AGPS: variants seen among roughly 807,000 people sequenced by gnomAD.
AGPS encodes alkyldihydroxyacetonephosphate synthase, peroxisomal.
A neutral mutation model predicts 90.7 loss-of-function variants in AGPS; 26 were observed. The observed-to-expected ratio is 0.29, with a 90% CI of 0.21 to 0.40. AGPS has a LOEUF of 0.40. AGPS is among the 10% of genes least tolerant of loss of function. AGPS has a pLI of 1.00. For missense variants in AGPS, 540 were observed against 816.1 expected, an observed-to-expected ratio of 0.66 and a Z score of 4.12; for synonymous variants, 294 against 285.3, an observed-to-expected ratio of 1.03 and a Z score of -0.31.
chr2:177,453,805 A>G (rs1392839370), intron 8 of AGPS, among the ~76,000 whole-genome samples: 1 of 138,440 alleles, frequency 7.2e-6, no homozygotes, highest in East Asian at 2.2e-4. Flanking sequence ...CTCCTACCTC[A>G]GCCTCCCAAG....
chr2:177,420,922 A>C (rs1685923586), intron 2 of AGPS, among the ~76,000 whole-genome samples: 1 of 152,004 alleles, frequency 6.6e-6, no homozygotes, highest in South Asian at 2.1e-4. Context: ...AGTGATAGGG[A>C]AAGATCAGTC....
chr2:177,497,527 A>G (rs879865151), intron 12 of AGPS, among the ~76,000 whole-genome samples, 162 bp from the exon 13 acceptor site: 30 of 151,932 alleles, frequency 2.0e-4, no homozygotes, highest in Admixed American at 4.6e-4. Context: ...TAATATAACT[A>G]TATATCGTAA....
At chr2:177,456,171 T>C (rs1322704923) in intron 8 of AGPS, among the ~76,000 whole-genome samples, 3 of 152,146 alleles carry the variant, frequency 2.0e-5, no homozygotes, top group Non-Finnish European at 4.4e-5. Context: ...GGAGACAGAG[T>C]GAGACCCTTT....
intron 19 of AGPS, among the ~76,000 whole-genome samples, chr2:177,530,363 G>T (rs6433676): frequency 0.87 from 132,009 of 152,258 alleles, 57,443 homozygotes; most frequent in East Asian, 0.98. Flanking sequence ...CAGTATAATT[G>T]CATAAAGCAG....
chr2:177,506,693 A>G (rs1298338368), intron 15 of AGPS, among the ~76,000 whole-genome samples: 1 of 151,978 alleles, frequency 6.6e-6, no homozygotes, highest in Non-Finnish European at 1.5e-5. Flanking sequence ...AAGTAAAAGT[A>G]TATTTATTGC....
At chr2:177,416,909 G>T (rs1172074689) in intron 1 of AGPS, among the ~76,000 whole-genome samples, 1 of 152,154 alleles carries the variant, frequency 6.6e-6, no homozygotes, top group Non-Finnish European at 1.5e-5. Context: ...CTGGTTAATT[G>T]ACCTCTGGGG....
At chr2:177,396,013 T>TTGATTA (rs1685162246) in intron 1 of AGPS, among the ~76,000 whole-genome samples, 1 of 146,198 alleles carries the variant, frequency 6.8e-6, no homozygotes, top group Admixed American at 7.1e-5. Flanking sequence ...ACAGTGCAGT[T>TTGATTA]TGATTAGAGC....
intron 16 of AGPS, among the ~76,000 whole-genome samples, 153 bp from the exon 17 acceptor site, chr2:177,513,666 A>G (rs1165160622): frequency 2.6e-5 from 4 of 152,210 alleles, no homozygotes; most frequent in Non-Finnish European, 4.4e-5. Flanking sequence ...AATTTGAGTG[A>G]TCAGGGCTCT....
chr2:177,519,955 G>T (rs1322336850), intron 17 of AGPS, among the ~76,000 whole-genome samples: 1 of 152,188 alleles, frequency 6.6e-6, no homozygotes. Flanking sequence ...ACAAGGAGTG[G>T]ATTATTCATG....
chr2:177,527,730 T>C (rs1328506160), intron 19 of AGPS, among the ~76,000 whole-genome samples: 2 of 152,200 alleles, frequency 1.3e-5, no homozygotes, highest in East Asian at 1.9e-4. Flanking sequence ...CCTTCTTTTA[T>C]TGAAGACTCC....
chr2:177,462,042 G>A, intron 9 of AGPS, 24 bp downstream of exon 9: 2 of 1,551,040 alleles, frequency 1.3e-6, no homozygotes, highest in Non-Finnish European at 8.8e-7. Flanking sequence ...TAGTTATTAT[G>A]TAATAATTGA....
At chr2:177,440,434 AT>A (rs1681393162) in intron 5 of AGPS, among the ~76,000 whole-genome samples, 1 of 152,144 alleles carries the variant, frequency 6.6e-6, no homozygotes, top group African/African-American at 2.4e-5. Context: ...ATGAGGAAAC[AT>A]CTACAAACCC....
chr2:177,403,753 C>T (rs1685391772), intron 1 of AGPS, among the ~76,000 whole-genome samples: 1 of 152,168 alleles, frequency 6.6e-6, no homozygotes, highest in African/African-American at 2.4e-5. Flanking sequence ...CCATTTTTCA[C>T]TCACTGTCTT....
At chr2:177,531,816 A>G (rs1559086745) in intron 19 of AGPS, among the ~76,000 whole-genome samples, 1 of 152,102 alleles carries the variant, frequency 6.6e-6, no homozygotes, top group Non-Finnish European at 1.5e-5. Flanking sequence ...GGAACAGAAT[A>G]GAGAACCCAG....
At chr2:177,504,479 G>C (rs539679479) in intron 14 of AGPS, among the ~76,000 whole-genome samples, 72 of 152,090 alleles carry the variant, frequency 4.7e-4, no homozygotes, top group African/African-American at 1.7e-3. Context: ...TTCTCAAGTA[G>C]TTCTAGACTA....
chr2:177,533,198 A>G (rs1266964356), intron 19 of AGPS, among the ~76,000 whole-genome samples: 1 of 152,040 alleles, frequency 6.6e-6, no homozygotes, highest in Admixed American at 6.6e-5. Flanking sequence ...GTATATGTTG[A>G]TTATAATATT....
chr2:177,482,039 T>C lies in AGPS; in HGVS notation c.1106-20T>C. The C allele has an allele frequency of 1.3e-6, 2 of 1,586,312 alleles. No individual in the cohort carries two copies. The highest frequency in any genetic ancestry group is 1.7e-6 in the Non-Finnish European group (2 of 1,162,164). On this transcript the variant is annotated intron_variant, in intron 10 of 19. Coordinates refer to ENST00000264167, the MANE Select transcript of AGPS (RefSeq NM_003659.4). ...AATTGTCATGTGATGTACTGGATTA[T>C]TCCCCCTTCTTTTTTTCAGGAACTC... is the stretch of plus-strand genomic sequence containing the variant.
intron 19 of AGPS, among the ~76,000 whole-genome samples, chr2:177,531,083 C>G (rs1389081809): frequency 6.6e-6 from 1 of 151,832 alleles, no homozygotes; most frequent in Admixed American, 6.6e-5. Context: ...TTTTGGTAGT[C>G]TTACCAGAAT....
intron 1 of AGPS, among the ~76,000 whole-genome samples, chr2:177,400,911 G>A (rs1685313310): frequency 6.6e-6 from 1 of 152,160 alleles, no homozygotes; most frequent in South Asian, 2.1e-4. Context: ...TTCTAAAGGT[G>A]CTTGAACTAA....
Sources: gnomAD v4.1 joint callset for allele counts (sites outside exome capture counted in the v4.1 genomes callset) on GRCh38, gnomAD v4.1.1 for gene constraint, MANE v1.5 for transcripts, NCBI Gene and HGNC (gene_info 2026-07-23, HGNC 2026-07-21) for gene names.